NKAIN3: variants seen among roughly 807,000 people sequenced by gnomAD.
NKAIN3 encodes sodium/potassium-transporting ATPase subunit beta-1-interacting protein 3.
Under a neutral mutation model 30.2 loss-of-function variants are expected in NKAIN3, and 25 were observed. That is an observed-to-expected ratio of 0.83 (90% CI 0.60 to 1.16). NKAIN3 has a LOEUF of 1.16. NKAIN3 is among the 50% of genes most tolerant of loss of function. The pLI is 0.00. For synonymous variants in NKAIN3, 91 were observed against 89.6 expected (o/e 1.02, Z -0.09); for missense variants, 225 against 254.1 (o/e 0.89, Z 0.78).
intron 1 of NKAIN3, among the ~76,000 whole-genome samples, chr8:62,460,043 T>A (rs1805941828): frequency 1.3e-5 from 2 of 152,162 alleles, no homozygotes; most frequent in South Asian, 4.1e-4. Flanking sequence ...AATAGAATGG[T>A]TAAGAGAATG....
chr8:62,530,897 G>A (rs900191762), intron 1 of NKAIN3, among the ~76,000 whole-genome samples: 5 of 151,964 alleles, frequency 3.3e-5, no homozygotes, highest in Non-Finnish European at 7.4e-5. Flanking sequence ...TGCCCACCTC[G>A]GCCTCCCAAC....
intron 1 of NKAIN3, among the ~76,000 whole-genome samples, chr8:62,407,401 GTTTTTTT>G (rs10660478): frequency 8.4e-6 from 1 of 118,670 alleles, no homozygotes; most frequent in African/African-American, 3.3e-5. Context: ...CTAGATAGTT[GTTTTTTT>G]TTTTTTTTTT....
intron 4 of NKAIN3, among the ~76,000 whole-genome samples, chr8:62,900,692 G>T (rs1821587948): frequency 6.6e-6 from 1 of 152,142 alleles, no homozygotes. Flanking sequence ...CCATTATCTT[G>T]ATAATCTTCA....
intron 5 of NKAIN3, among the ~76,000 whole-genome samples, chr8:62,947,552 A>T (rs1823160307): frequency 6.6e-6 from 1 of 152,176 alleles, no homozygotes; most frequent in Non-Finnish European, 1.5e-5. Context: ...CCCCATCAAG[A>T]AGTGGGGAGT....
intron 1 of NKAIN3, among the ~76,000 whole-genome samples, chr8:62,514,934 T>C (rs1807936054): frequency 1.3e-5 from 2 of 152,174 alleles, no homozygotes; most frequent in African/African-American, 2.4e-5. Flanking sequence ...AAAGTATCTA[T>C]AATGATATAT....
At chr8:62,830,667 G>A (rs538464420) in intron 4 of NKAIN3, among the ~76,000 whole-genome samples, 1 of 152,306 alleles carries the variant, frequency 6.6e-6, no homozygotes, top group Admixed American at 6.5e-5. Context: ...CACTTGGACA[G>A]CTCAATCAGC....
At chr8:62,803,057 G>A (rs993272014) in intron 4 of NKAIN3, among the ~76,000 whole-genome samples, 2 of 152,140 alleles carry the variant, frequency 1.3e-5, no homozygotes, top group African/African-American at 2.4e-5. Flanking sequence ...TCAACAAGAA[G>A]AGCTAACTAT....
intron 3 of NKAIN3, among the ~76,000 whole-genome samples, chr8:62,682,787 C>G (rs1320791346): frequency 1.3e-5 from 2 of 152,034 alleles, no homozygotes; most frequent in Non-Finnish European, 2.9e-5. Context: ...ACTCCATTGA[C>G]CTGGGAACCA....
intron 4 of NKAIN3, among the ~76,000 whole-genome samples, chr8:62,893,537 T>A (rs1388991799): frequency 2.0e-5 from 3 of 152,166 alleles, no homozygotes; most frequent in African/African-American, 7.2e-5. Flanking sequence ...GGGCTGGACA[T>A]AGACTAAGGA....
At chr8:62,598,353 A>G (rs922944245) in intron 3 of NKAIN3, among the ~76,000 whole-genome samples, 2 of 152,016 alleles carry the variant, frequency 1.3e-5, no homozygotes, top group Non-Finnish European at 2.9e-5. Context: ...GCATCTGTGT[A>G]TGCCTAAGGT....
intron 1 of NKAIN3, among the ~76,000 whole-genome samples, chr8:62,362,011 G>A (rs560796775): frequency 6.6e-6 from 1 of 152,082 alleles, no homozygotes; most frequent in Non-Finnish European, 1.5e-5. Context: ...CTACCTCTCT[G>A]GCTGCCTTCA....
chr8:62,949,778 A>G (rs10504360), intron 5 of NKAIN3, among the ~76,000 whole-genome samples: 9,936 of 152,014 alleles, frequency 0.065, 365 homozygotes, highest in South Asian at 0.099. Flanking sequence ...ATCAAAGTAC[A>G]TGGAACTCAA....
intron 1 of NKAIN3, among the ~76,000 whole-genome samples, chr8:62,454,367 T>C (rs1805750593): frequency 6.8e-6 from 1 of 146,348 alleles, no homozygotes; most frequent in African/African-American, 2.5e-5. Context: ...TGAATTTGTG[T>C]TGGGCCATGT....
chr8:62,852,738 T>C (rs1361202283), intron 4 of NKAIN3, among the ~76,000 whole-genome samples: 1 of 152,200 alleles, frequency 6.6e-6, no homozygotes, highest in Non-Finnish European at 1.5e-5. Context: ...GAGCAGGTTG[T>C]TCTGTTTCCA....
chr8:62,305,585 T>C (rs1814205315), intron 1 of NKAIN3, among the ~76,000 whole-genome samples: 1 of 150,562 alleles, frequency 6.6e-6, no homozygotes, highest in African/African-American at 2.5e-5. Context: ...CTAGAAATTA[T>C]GGAAGCTATC....
intron 5 of NKAIN3, among the ~76,000 whole-genome samples, chr8:62,927,926 G>T (rs183829937): frequency 8.5e-5 from 13 of 152,234 alleles, no homozygotes; most frequent in African/African-American, 2.9e-4. Context: ...AAGAGCTATA[G>T]TCTTGGACCA....
intron 1 of NKAIN3, among the ~76,000 whole-genome samples, chr8:62,370,577 T>A (rs1475908779): frequency 1.3e-5 from 2 of 152,000 alleles, no homozygotes; most frequent in African/African-American, 4.8e-5. Context: ...TGACCATATT[T>A]ATTTTCATAA....
chr8:62,973,428 G>A lies in NKAIN3; in HGVS notation c.*8021G>A, dbSNP rs1474664784. On this transcript the variant is annotated 3_prime_UTR_variant, in exon 7 of 7. Transcript: ENST00000623646. ...TTTCTCTAATGACCAGTGATGATGA[G>A]ATTTTTTTTTACGTTTGTTGGCTGC... Among the ~76,000 whole-genome samples, 1 of 150,374 alleles carries A rather than the reference G, an allele frequency of 6.7e-6. No individual in the cohort carries two copies. Among genetic ancestry groups the A allele is most frequent in the Admixed American group, 6.8e-5 (1 of 14,764 alleles).
chr8:62,467,621 C>T (rs1450813250), intron 1 of NKAIN3, among the ~76,000 whole-genome samples: 3 of 152,072 alleles, frequency 2.0e-5, no homozygotes, highest in Non-Finnish European at 2.9e-5. Flanking sequence ...ACTTCCAGGT[C>T]TCCTTTAAAA....
Sources: gnomAD v4.1 joint callset for allele counts (sites outside exome capture counted in the v4.1 genomes callset) on GRCh38, gnomAD v4.1.1 for gene constraint, MANE v1.5 for transcripts, NCBI Gene and HGNC (gene_info 2026-07-23, HGNC 2026-07-21) for gene names.